The following SCN7A variants were observed in gnomAD, a reference collection of about 807,000 sequenced individuals.
The protein encoded by SCN7A is sodium channel protein type 7 subunit alpha.
In SCN7A, 138 loss-of-function variants were observed where a neutral mutation model predicts 155.2. The observed-to-expected ratio is 0.89, with a 90% CI of 0.77 to 1.02. SCN7A has a LOEUF of 1.02. SCN7A is among the 50% of genes least tolerant of loss of function. The pLI, the probability that SCN7A is intolerant of heterozygous loss-of-function variation, is 0.00. For synonymous variants in SCN7A, 693 were observed against 649.0 expected (o/e 1.07, Z -1.03); for missense variants, 2,058 against 1,986.6 (o/e 1.04, Z -0.68).
At chr2:166,469,204 C>T (rs1702600697) in intron 7 of SCN7A, among the ~76,000 whole-genome samples, 1 of 151,190 alleles carries the variant, frequency 6.6e-6, no homozygotes, top group South Asian at 2.1e-4. Flanking sequence ...TTTTTCAGTT[C>T]TACTGTATTA....
At chr2:166,436,975 T>C (rs1180985875) in intron 15 of SCN7A, among the ~76,000 whole-genome samples, 1 of 152,086 alleles carries the variant, frequency 6.6e-6, no homozygotes, top group Non-Finnish European at 1.5e-5. Flanking sequence ...GATGATGCAG[T>C]AGAAAAGAAA....
At chr2:166,470,383 T>G (rs894894049) in intron 7 of SCN7A, among the ~76,000 whole-genome samples, 5 of 151,912 alleles carry the variant, frequency 3.3e-5, no homozygotes, top group African/African-American at 1.2e-4. Context: ...ATTTCATTGA[T>G]GTATATATTT....
At chr2:166,417,131 GCTGGTACTGGAATAACCTA>G in intron 20 of SCN7A, 146 bp from the exon 21 acceptor site, 1 of 632,654 alleles carries the variant, frequency 1.6e-6, no homozygotes, top group Non-Finnish European at 2.7e-6. Flanking sequence ...CAGCCCACAT[GCTGGTACTGGAATAACCTA>G]AATAGCAATT....
chr2:166,439,360 G>A (rs1256016185), intron 15 of SCN7A, among the ~76,000 whole-genome samples: 1 of 151,906 alleles, frequency 6.6e-6, no homozygotes, highest in Non-Finnish European at 1.5e-5. Context: ...TGAGATAATA[G>A]GAAAAATCAA....
rs1197883114 is a variant in SCN7A, at chr2:166,486,852, A to C, written c.-15+4T>G. 2.0e-5 allele frequency: 3 copies of C among 152,228 alleles called. No individual in the cohort carries two copies. The highest frequency in any genetic ancestry group is 7.2e-5 in the African/African-American group (3 of 41,458). The allele number at this position is 152,228 out of a possible 1,614,324, so 9.4% of individuals were successfully genotyped here. ...GCATATACAGGAGTTGCTGAGGCAA[A>C]TACCTGTTGAACAACAGCACTTCTC... is the stretch of plus-strand genomic sequence containing the variant. On this transcript the variant is annotated splice_donor_region_variant and intron_variant, in intron 2 of 25. Coordinates refer to ENST00000643258, the MANE Select transcript of SCN7A (RefSeq NM_002976.4).
In SCN7A at chr2:166,432,771, T is replaced by C. The variant is rs1701761645; in HGVS notation, c.2158-19A>G. 3 of 1,475,148 alleles carry C rather than the reference T, an allele frequency of 2.0e-6. No individual in the cohort carries two copies. Among genetic ancestry groups the C allele is most frequent in the Non-Finnish European group, 2.7e-6 (3 of 1,111,310 alleles). 91.4% of individuals were successfully genotyped at this position (1,475,148 alleles called of 1,614,324 possible). On this transcript the variant is annotated intron_variant, in intron 15 of 25. Transcript: ENST00000643258. Reference sequence around the variant, plus strand: ...AAAGTACCTAAATAAGGAAGTAAAATGAGGCTAAATGTATCTCATTTTGTT... The same window carrying C: ...AAAGTACCTAAATAAGGAAGTAAAACGAGGCTAAATGTATCTCATTTTGTT...
chr2:166,486,481 A>T (rs919658572), intron 2 of SCN7A, among the ~76,000 whole-genome samples: 16 of 152,214 alleles, frequency 1.1e-4, no homozygotes, highest in Non-Finnish European at 2.9e-5. Flanking sequence ...CTACGAGTAC[A>T]GAGAAGATGA....
At chr2:166,412,947 T>C (rs947975337) in intron 22 of SCN7A, 121 bp downstream of exon 22, 1 of 876,586 alleles carries the variant, frequency 1.1e-6, no homozygotes, top group Non-Finnish European at 1.8e-6. Flanking sequence ...TCATTGCCAA[T>C]GAAATATCCA....
In SCN7A at chr2:166,443,614, C is replaced by T. The variant is rs780414577; in HGVS notation, c.1689G>A (p.Gly563=). 7 of 1,574,326 alleles carry T rather than the reference C, an allele frequency of 4.4e-6. No homozygotes were observed. The South Asian group carries it at 7.0e-5, about 16-fold the overall frequency. ...IFKIIAMHPY[G]YFQVGWNIFD... is the part of the protein sequence containing the mutation. The stretch of plus-strand genomic sequence containing the variant: ...AAATGTTCCAACCTACTTGGAAATA[C>T]CCATATGGATGCATTGCAATTATTT... Residue 563 remains glycine, a synonymous_variant, in exon 14 of 26, where the codon GGG becomes GGA. Transcript: ENST00000643258.
intron 19 of SCN7A, 136 bp from the exon 20 acceptor site, chr2:166,421,433 A>G (rs1295499435): frequency 4.6e-6 from 2 of 436,746 alleles, no homozygotes; most frequent in Non-Finnish European, 4.0e-6. Flanking sequence ...ATTTTTACAT[A>G]TACTTCAAAA....
intron 1 of SCN7A, among the ~76,000 whole-genome samples, chr2:166,492,014 A>G (rs930831262): frequency 6.6e-6 from 1 of 151,984 alleles, no homozygotes; most frequent in Non-Finnish European, 1.5e-5. Flanking sequence ...GGGATTGGGG[A>G]AAATACTGTT....
chr2:166,429,008 G>C (rs1367354447), intron 17 of SCN7A, among the ~76,000 whole-genome samples, 161 bp downstream of exon 17: 1 of 151,882 alleles, frequency 6.6e-6, no homozygotes, highest in Non-Finnish European at 1.5e-5. Context: ...AACTGTCAGA[G>C]GAAAACAAGT....
At chr2:166,474,837 A>G (rs964412786) in intron 3 of SCN7A, among the ~76,000 whole-genome samples, 1 of 151,768 alleles carries the variant, frequency 6.6e-6, no homozygotes, top group African/African-American at 2.4e-5. Context: ...AAATAAAACC[A>G]AACTTGCATG....
intron 2 of SCN7A, among the ~76,000 whole-genome samples, chr2:166,478,264 C>G (rs1702844747): frequency 6.6e-6 from 1 of 150,424 alleles, no homozygotes; most frequent in Non-Finnish European, 1.5e-5. Context: ...CAAACCTACA[C>G]GTTGTGCACG....
chr2:166,413,960 T>A (rs1360104417), intron 21 of SCN7A, among the ~76,000 whole-genome samples: 1 of 105,214 alleles, frequency 9.5e-6, no homozygotes, highest in Admixed American at 1.3e-4. Flanking sequence ...TAAACTCCCC[T>A]TTATATATAT....
Position 166,475,860 on chromosome 2 carries a change from T to C in SCN7A, c.235-1516A>G, listed in dbSNP as rs1250753011. ...TTCTACCAAGCTATCCGTGCAGTTCTTGCTCCAGATGTTTCATGGGAACTA... is the reference window on the plus strand; with the variant it reads ...TTCTACCAAGCTATCCGTGCAGTTCCTGCTCCAGATGTTTCATGGGAACTA... On this transcript the variant is annotated intron_variant, in intron 3 of 25. Coordinates refer to ENST00000643258, the MANE Select transcript of SCN7A (RefSeq NM_002976.4). 4.6e-5 allele frequency among the ~76,000 whole-genome samples: 7 copies of C among 152,016 alleles called. No homozygotes were observed. The South Asian group carries it at 6.2e-4, about 13-fold the overall frequency.
intron 1 of SCN7A, among the ~76,000 whole-genome samples, chr2:166,489,404 C>G (rs1163809570): frequency 6.6e-6 from 1 of 152,126 alleles, no homozygotes; most frequent in Non-Finnish European, 1.5e-5. Context: ...GTTAATATTT[C>G]TATATTACTT....
intron 21 of SCN7A, among the ~76,000 whole-genome samples, chr2:166,415,439 G>C (rs149141059): frequency 5.9e-5 from 9 of 151,726 alleles, no homozygotes; most frequent in Non-Finnish European, 1.3e-4. Context: ...TGGCTAGGAC[G>C]GTCTTGATCT....
Position 166,477,583 on chromosome 2 carries a change from T to A in SCN7A, c.114A>T (p.Leu38Phe), listed in dbSNP as rs1399010348. The change falls in exon 3 of 26, where the codon TTA (leucine) becomes TTT (phenylalanine). Residue 38 changes from leucine to phenylalanine, a missense_variant. Transcript: ENST00000643258. ...CAACTTCCAAATCAGGAGTTGGCTT[T>A]AAGTCTTCTTCTTCATGGTCTTCAT... ...THNEDHEEED[L>F]KPTPDLEVGK... 6.3e-7 allele frequency: 1 copy of A among 1,589,650 alleles called. No individual in the cohort carries two copies. The highest frequency in any genetic ancestry group is 1.8e-5 in the Admixed American group (1 of 56,352).
Sources: allele counts gnomAD v4.1 joint callset (sites outside exome capture counted in the v4.1 genomes callset), GRCh38; gene constraint gnomAD v4.1.1; transcripts MANE v1.5; gene names NCBI Gene and HGNC (gene_info 2026-07-23, HGNC 2026-07-21).